Variants in CD99 observed in about 807,000 individuals in gnomAD.
CD99 encodes CD99 antigen.
A neutral mutation model predicts 28.4 loss-of-function variants in CD99; 19 were observed. That is an observed-to-expected ratio of 0.67 (90% CI 0.47 to 0.98). The LOEUF is 0.98. CD99 is among the 50% of genes least tolerant of loss of function. The probability of loss-of-function intolerance (pLI) is 0.00; values close to 1 mark genes in which losing one functional copy is unlikely to be tolerated. For synonymous variants in CD99, 103 were observed against 92.1 expected, an observed-to-expected ratio of 1.12 and a Z score of -0.67; for missense variants, 283 against 248.8, an observed-to-expected ratio of 1.14 and a Z score of -0.92.
intron 1 of CD99, among the ~76,000 whole-genome samples, chrX:2,710,779 A>G (rs1465647703): frequency 6.6e-6 from 1 of 151,866 alleles, no homozygotes; most frequent in African/African-American, 2.4e-5. Flanking sequence ...TTTCCGGGGA[A>G]GAGAGTTTTG....
Position 2,714,408 on chromosome X carries a change from T to G in CD99, c.68-14T>G, listed in dbSNP as rs370163878. On this transcript the variant is annotated splice_polypyrimidine_tract_variant and intron_variant, in intron 1 of 9. Transcript: ENST00000381192. ...TTTTCTTGTTTCTAAGTTGACTCTT[T>G]TTTTCTCTCTTAGATGGTGGTTTCG... The G allele has an allele frequency of 4.6e-5, 72 of 1,576,390 alleles. No homozygotes were observed. Among genetic ancestry groups the G allele is most frequent in the East Asian group, 3.6e-4 (16 of 44,654 alleles).
chrX:2,700,084 C>T (rs1160203625), intron 1 of CD99, among the ~76,000 whole-genome samples: 3 of 152,068 alleles, frequency 2.0e-5, no homozygotes, highest in African/African-American at 4.8e-5. Context: ...GGTGGTGAGA[C>T]GTGGGCACAG....
intron 1 of CD99, among the ~76,000 whole-genome samples, chrX:2,703,471 A>G (rs2047966372): frequency 2.0e-5 from 3 of 152,178 alleles, no homozygotes; most frequent in Non-Finnish European, 4.4e-5. Flanking sequence ...TGATTGGTTC[A>G]TGACCTCTGG....
chrX:2,737,617 C>G (rs28659837), intron 8 of CD99, among the ~76,000 whole-genome samples: 1 of 151,646 alleles, frequency 6.6e-6, no homozygotes, highest in Non-Finnish European at 1.5e-5. Flanking sequence ...GCCTCAGCCT[C>G]CCGAGTAGCT....
At chrX:2,739,850 C>T (rs1197949878) in intron 9 of CD99, among the ~76,000 whole-genome samples, 2 of 144,948 alleles carry the variant, frequency 1.4e-5, no homozygotes, top group Non-Finnish European at 1.5e-5. Flanking sequence ...CTGAGGTGGG[C>T]GGATCACCTG....
intron 2 of CD99, chrX:2,714,877 A>G (rs1267721047): frequency 6.2e-6 from 1 of 160,820 alleles, no homozygotes; most frequent in African/African-American, 2.4e-5. Context: ...CCTTATTATA[A>G]AAACTAGACT....
chrX:2,719,320 T>C, intron 3 of CD99: 1 of 299,876 alleles, frequency 3.3e-6, no homozygotes, highest in Non-Finnish European at 6.2e-6. Context: ...GAGAAAATCA[T>C]GTGCAGGCAG....
intron 1 of CD99, among the ~76,000 whole-genome samples, chrX:2,710,867 C>CT (rs541519754): frequency 0.69 from 68,552 of 99,554 alleles, 25,523 homozygotes; most frequent in South Asian, 0.8. Context: ...GTAGAGATGA[C>CT]TTTTTTTTTT....
chrX:2,704,017 G>T (rs1016018782), intron 1 of CD99, among the ~76,000 whole-genome samples: 1 of 152,096 alleles, frequency 6.6e-6, no homozygotes, highest in African/African-American at 2.4e-5. Context: ...CATCACCCTG[G>T]AGTTTGTTAA....
At chrX:2,712,727 A>G (rs1049672718) in intron 1 of CD99, among the ~76,000 whole-genome samples, 2 of 152,066 alleles carry the variant, frequency 1.3e-5, no homozygotes. Context: ...CGTTTTGTCT[A>G]CTTTCTACTT....
At chrX:2,709,559 A>T (rs1342718474) in intron 1 of CD99, among the ~76,000 whole-genome samples, 3 of 152,286 alleles carry the variant, frequency 2.0e-5, no homozygotes, top group Non-Finnish European at 4.4e-5. Context: ...ATATGCATGC[A>T]CATGTGTGCC....
At chrX:2,696,633 C>A (rs1179513536) in intron 1 of CD99, among the ~76,000 whole-genome samples, 1 of 152,018 alleles carries the variant, frequency 6.6e-6, no homozygotes, top group East Asian at 1.9e-4. Flanking sequence ...GAACTCCTGA[C>A]CTCAGGTGAT....
chrX:2,722,394 C>A (rs1298837560), intron 5 of CD99, among the ~76,000 whole-genome samples: 1 of 152,142 alleles, frequency 6.6e-6, no homozygotes, highest in African/African-American at 2.4e-5. Flanking sequence ...CATCTTGGCT[C>A]ACTGCAACCT....
At chrX:2,733,085 C>T (rs34504332) in intron 8 of CD99, among the ~76,000 whole-genome samples, 29,444 of 150,518 alleles carry the variant, frequency 0.2, 3,216 homozygotes, top group African/African-American at 0.3. Flanking sequence ...TCCCTTCCTT[C>T]CTCCCATCCC....
In CD99 at chrX:2,740,904, G is replaced by A; in HGVS notation, c.*100G>A. 17 of 1,274,044 alleles carry A rather than the reference G, an allele frequency of 1.3e-5. No individual in the cohort carries two copies. The highest frequency in any genetic ancestry group is 1.8e-5 in the Non-Finnish European group (16 of 870,094). 78.9% of individuals were successfully genotyped at this position (1,274,044 alleles called of 1,614,324 possible). A position where few individuals can be genotyped will look rare whatever the true frequency, so the allele number is the denominator to read the frequency against. ...CACCTGCCTGAGAGCAGAGATGGAG[G>A]CCTTCTGTTCACGGCGGATTCTTTG... On this transcript the variant is annotated 3_prime_UTR_variant, in exon 10 of 10. Transcript: ENST00000381192.
intron 5 of CD99, 120 bp downstream of exon 5, chrX:2,720,544 G>T: frequency 5.8e-6 from 4 of 691,368 alleles, no homozygotes; most frequent in Non-Finnish European, 1.0e-5. Flanking sequence ...CCTGTGCAGT[G>T]TAATGCCCAT....
At chrX:2,734,244 TATTTA>T (rs2049821043) in intron 8 of CD99, among the ~76,000 whole-genome samples, 1 of 151,994 alleles carries the variant, frequency 6.6e-6, no homozygotes, top group African/African-American at 2.4e-5. Flanking sequence ...CTTTTCCTTC[TATTTA>T]TTTTACTTTT....
intron 1 of CD99, chrX:2,691,628 C>T (rs1434104814): frequency 1.4e-6 from 1 of 719,002 alleles, no homozygotes; most frequent in African/African-American, 1.7e-5. Flanking sequence ...TGGAGCCGTT[C>T]CAGAGAGAAA....
At chrX:2,717,701 T>C (rs754232679) in intron 3 of CD99, 49 bp downstream of exon 3, 2 of 1,550,524 alleles carry the variant, frequency 1.3e-6, no homozygotes, top group Non-Finnish European at 1.8e-6. Context: ...CAAATCATTT[T>C]CTCGGACAGC....
Sources: gnomAD v4.1 joint callset for allele counts (sites outside exome capture counted in the v4.1 genomes callset) on GRCh38, gnomAD v4.1.1 for gene constraint, MANE v1.5 for transcripts, NCBI Gene and HGNC (gene_info 2026-07-23, HGNC 2026-07-21) for gene names.